PEX5L: variants seen among roughly 807,000 people sequenced by gnomAD.
PEX5L encodes peroxisomal biogenesis factor 5 like.
PEX5L carries 30 observed loss-of-function variants against 84.0 expected under a neutral mutation model. That is an observed-to-expected ratio of 0.36 (90% CI 0.27 to 0.48). The LOEUF (loss-of-function observed/expected upper bound fraction) is 0.48. PEX5L is among the 20% of genes least tolerant of loss of function. The pLI is 0.99. For synonymous variants in PEX5L, 270 were observed against 283.1 expected, an observed-to-expected ratio of 0.95 and a Z score of 0.46; for missense variants, 533 against 754.6, an observed-to-expected ratio of 0.71 and a Z score of 3.44.
intron 1 of PEX5L, among the ~76,000 whole-genome samples, chr3:179,998,445 G>A (rs1788095100): frequency 1.3e-5 from 2 of 152,190 alleles, no homozygotes; most frequent in African/African-American, 4.8e-5. Flanking sequence ...AGGTGTCAGT[G>A]GCAGATAGGG....
At chr3:179,916,007 A>G (rs1766932346) in intron 2 of PEX5L, among the ~76,000 whole-genome samples, 1 of 152,230 alleles carries the variant, frequency 6.6e-6, no homozygotes, top group Non-Finnish European at 1.5e-5. Flanking sequence ...TGAAGCTCAG[A>G]GAGAATAACT....
intron 2 of PEX5L, among the ~76,000 whole-genome samples, chr3:179,959,181 CT>C (rs1342039783): frequency 6.6e-6 from 1 of 151,116 alleles, no homozygotes; most frequent in Non-Finnish European, 1.5e-5. Flanking sequence ...ACCAACCACT[CT>C]TTGAGTAGAC....
intron 8 of PEX5L, among the ~76,000 whole-genome samples, chr3:179,835,566 A>C (rs1734639745): frequency 1.3e-5 from 2 of 152,228 alleles, no homozygotes; most frequent in Admixed American, 1.3e-4. Flanking sequence ...AAGTATATTT[A>C]GAATCTGAAG....
chr3:179,872,898 G>A (rs59963881), intron 7 of PEX5L, among the ~76,000 whole-genome samples: 27,957 of 152,148 alleles, frequency 0.18, 3,186 homozygotes, highest in Non-Finnish European at 0.25. Flanking sequence ...TACATTTAGA[G>A]TGAGCACCAA....
chr3:179,831,236 C>T (rs1177980005), intron 8 of PEX5L, among the ~76,000 whole-genome samples: 1 of 151,652 alleles, frequency 6.6e-6, no homozygotes, highest in Non-Finnish European at 1.5e-5. Context: ...ATTGCTTGAA[C>T]CCAGGAGGCA....
intron 7 of PEX5L, among the ~76,000 whole-genome samples, chr3:179,868,808 C>T (rs1203599776): frequency 6.6e-6 from 1 of 152,132 alleles, no homozygotes; most frequent in Non-Finnish European, 1.5e-5. Context: ...CAACCAAAAC[C>T]TGTTTTTGCC....
intron 1 of PEX5L, among the ~76,000 whole-genome samples, chr3:179,998,315 G>A (rs967839902): frequency 1.3e-5 from 2 of 152,166 alleles, no homozygotes; most frequent in African/African-American, 2.4e-5. Context: ...TAAGTAACCC[G>A]AAAGTCTGCC....
chr3:179,915,632 T>C (rs1450481974), intron 2 of PEX5L, among the ~76,000 whole-genome samples: 3 of 152,184 alleles, frequency 2.0e-5, no homozygotes, highest in African/African-American at 7.2e-5. Flanking sequence ...ACTTTCTGAA[T>C]TAAACAATTT....
chr3:179,878,399 T>C (rs943786898), intron 5 of PEX5L, among the ~76,000 whole-genome samples: 4 of 152,200 alleles, frequency 2.6e-5, no homozygotes, highest in African/African-American at 9.6e-5. Flanking sequence ...ATAGGAACTG[T>C]TGCTGTCATT....
chr3:179,971,613 A>T lies in PEX5L; in HGVS notation c.74T>A (p.Ile25Lys). The change falls in exon 2 of 15, where the codon ATA becomes AAA. Residue 25 changes from isoleucine (I) to lysine (K), a missense_variant. By Grantham distance (102) the Ile-to-Lys change is moderately radical (BLOSUM62 -3). This residue lies in a region of PEX5L where 259 missense variants were observed against 301.7 expected (regional missense o/e 0.86). Coordinates refer to ENST00000467460, the MANE Select transcript of PEX5L (RefSeq NM_016559.3). ...GKLSSDEDLE[I>K]IVDQKQGKGS... ...ACTTACCTGCTTTTGATCAACAATT[A>T]TTTCGAGGTCTTCATCACTGCTTAG... is the stretch of plus-strand genomic sequence containing the variant. 6.2e-7 allele frequency: 1 copy of T among 1,608,426 alleles called. No homozygotes were observed. Among genetic ancestry groups the T allele is most frequent in the South Asian group, 1.1e-5 (1 of 89,810 alleles).
chr3:179,977,943 T>C (rs187398552), intron 1 of PEX5L, among the ~76,000 whole-genome samples: 40 of 152,176 alleles, frequency 2.6e-4, no homozygotes, highest in Admixed American at 1.3e-3. Context: ...TATTTTTGGG[T>C]CAAGCATGGG....
intron 1 of PEX5L, among the ~76,000 whole-genome samples, chr3:180,016,231 C>T (rs1456803518): frequency 1.3e-5 from 2 of 152,120 alleles, no homozygotes; most frequent in Admixed American, 6.5e-5. Flanking sequence ...GGAAGGATGA[C>T]TTTGATCAAT....
chr3:180,007,117 C>G (rs1579319808), intron 1 of PEX5L, among the ~76,000 whole-genome samples: 1 of 152,150 alleles, frequency 6.6e-6, no homozygotes, highest in South Asian at 2.1e-4. Flanking sequence ...AGAAAGCAAG[C>G]TAGTTACTTC....
chr3:179,868,978 G>T lies in PEX5L; in HGVS notation c.726+5349C>A, dbSNP rs574465508. Among the ~76,000 whole-genome samples, 11 of 151,328 alleles carry T rather than the reference G, an allele frequency of 7.3e-5. No homozygotes were observed. In the Admixed American group the frequency reaches 7.3e-4, roughly 10 times the overall value. ...TTAATCAATCTGCCTCATGTCAGTG[G>T]TTTTTCAGCGAACCTTTAGGGGGAC... On this transcript the variant is annotated intron_variant, in intron 7 of 14. Coordinates refer to ENST00000467460, the MANE Select transcript of PEX5L (RefSeq NM_016559.3).
At chr3:180,021,478 C>T (rs539463533) in intron 1 of PEX5L, among the ~76,000 whole-genome samples, 21 of 152,170 alleles carry the variant, frequency 1.4e-4, no homozygotes, top group Non-Finnish European at 2.2e-4. Context: ...ACATTTCTAA[C>T]GAGCATTCTA....
Position 179,798,706 on chromosome 3 carries a change from A to C in PEX5L, c.*3122T>G, listed in dbSNP as rs1413986226. On this transcript the variant is annotated 3_prime_UTR_variant, in exon 15 of 15. Transcript: ENST00000467460. ...CAAAGCCTTCTCAGAGTACCTCAGAAGGGAAATAAGGATACCCTCCCCTTT... is the reference window on the plus strand; with the variant it reads ...CAAAGCCTTCTCAGAGTACCTCAGACGGGAAATAAGGATACCCTCCCCTTT... The C allele has an allele frequency of 2.6e-5, 4 of 152,332 alleles. No individual in the cohort carries two copies. The highest frequency in any genetic ancestry group is 5.9e-5 in the Non-Finnish European group (4 of 68,032). 9.4% of individuals were successfully genotyped at this position (152,332 alleles called of 1,614,324 possible).
chr3:179,990,270 A>G (rs1160762075), intron 1 of PEX5L, among the ~76,000 whole-genome samples: 1 of 152,124 alleles, frequency 6.6e-6, no homozygotes, highest in Non-Finnish European at 1.5e-5. Context: ...TCACATAGGT[A>G]CTTTAATCAT....
rs184824136 is a variant in PEX5L, at chr3:180,036,608, G to T, written c.-9C>A. ...ATGTGTCCCTGGTACATTCTGCTTC[G>T]GTTTCTTCAGGGCTCCCTGAGGCCA... is the stretch of plus-strand genomic sequence containing the variant. On this transcript the variant is annotated 5_prime_UTR_variant, in exon 1 of 15. Coordinates refer to ENST00000467460, the MANE Select transcript of PEX5L (RefSeq NM_016559.3). 2.7e-4 allele frequency: 433 copies of T among 1,613,952 alleles called. No individual in the cohort carries two copies. Among genetic ancestry groups the T allele is most frequent in the Non-Finnish European group, 3.6e-4 (423 of 1,179,928 alleles).
intron 1 of PEX5L, chr3:179,973,035 C>G: frequency 1.5e-4 from 55 of 368,056 alleles, no homozygotes; most frequent in Non-Finnish European, 2.3e-4. Context: ...GTCAAGCTGA[C>G]TTCCTTCCTA....
Sources: gnomAD v4.1 joint callset for allele counts (sites outside exome capture counted in the v4.1 genomes callset) on GRCh38, gnomAD v4.1.1 for gene constraint, gnomAD v4.1.1 regional missense constraint, MANE v1.5 for transcripts, NCBI Gene and HGNC (gene_info 2026-07-23, HGNC 2026-07-21) for gene names.